The following SHOC1 variants were observed in gnomAD, a reference collection of about 807,000 sequenced individuals.
SHOC1 encodes the protein protein shortage in chiasmata 1 ortholog.
Under a neutral mutation model 179.2 loss-of-function variants are expected in SHOC1, and 136 were observed. The ratio of observed to expected loss-of-function variants is 0.76; its 90% CI spans 0.66 to 0.87. The LOEUF (loss-of-function observed/expected upper bound fraction) is 0.87. Among genes scored for constraint, SHOC1 ranks in the 40% least tolerant of loss-of-function variants. The pLI, the probability that SHOC1 is intolerant of heterozygous loss-of-function variation, is 0.00. For missense variants in SHOC1, 1,538 were observed against 1,700.8 expected, an observed-to-expected ratio of 0.90 and a Z score of 1.68; for synonymous variants, 489 against 586.6, an observed-to-expected ratio of 0.83 and a Z score of 2.41.
intron 24 of SHOC1, among the ~76,000 whole-genome samples, chr9:111,696,117 T>C (rs1361566222): frequency 1.3e-5 from 2 of 152,222 alleles, no homozygotes; most frequent in Admixed American, 6.5e-5. Context: ...AAATTTTGCA[T>C]GTGTGTATTT....
At chr9:111,699,917 A>G (rs1305036466) in intron 24 of SHOC1, 37 bp downstream of exon 24, 2 of 1,445,154 alleles carry the variant, frequency 1.4e-6, no homozygotes, top group African/African-American at 2.8e-5. Flanking sequence ...TTGGTTTATA[A>G]AAAATACTTA....
Position 111,756,434 on chromosome 9 carries a change from G to A in SHOC1, c.753C>T (p.Ser251=), listed in dbSNP as rs200424123. Residue 251 remains serine, a synonymous_variant, in exon 8 of 28, where the codon AGC becomes AGT. Transcript: ENST00000682961. ...LIEYEFLIPP[S]LKPEIDIPSL... is the part of the protein sequence containing the mutation. ...ATGGAATATCAATTTCTGGTTTGAGGCTTGGAGGTATTAAGAATTCATACT... is the reference window on the plus strand; with the variant it reads ...ATGGAATATCAATTTCTGGTTTGAGACTTGGAGGTATTAAGAATTCATACT... The A allele has an allele frequency of 1.5e-5, 24 of 1,610,952 alleles. No homozygotes were observed. The highest frequency in any genetic ancestry group is 6.7e-5 in the South Asian group (6 of 90,144).
intron 5 of SHOC1, among the ~76,000 whole-genome samples, chr9:111,759,727 G>C (rs1373471439): frequency 1.3e-5 from 2 of 152,154 alleles, no homozygotes; most frequent in Non-Finnish European, 2.9e-5. Context: ...TTGACTTTTC[G>C]GTTAAGTGAC....
chr9:111,792,109 A>G (rs959480602), intron 1 of SHOC1, among the ~76,000 whole-genome samples: 3 of 152,206 alleles, frequency 2.0e-5, no homozygotes, highest in African/African-American at 4.8e-5. Context: ...TAAAGCAACT[A>G]TGGCATATTG....
intron 13 of SHOC1, among the ~76,000 whole-genome samples, chr9:111,727,276 C>G (rs1833335220): frequency 6.6e-6 from 1 of 152,052 alleles, no homozygotes; most frequent in African/African-American, 2.4e-5. Flanking sequence ...AATACTGAGA[C>G]AGGACTGACA....
At position 111,722,408 on chromosome 9, in the gene SHOC1, C is replaced by T. The variant is rs1833098118; in HGVS notation, c.2131+1G>A. 1 of 1,587,450 alleles carries T rather than the reference C, an allele frequency of 6.3e-7. No homozygotes were observed. Among genetic ancestry groups the T allele is most frequent in the South Asian group, 1.2e-5 (1 of 85,434 alleles). ...ATAACGTGACTTTTATTTGTACTCA[C>T]CTTGGCGAACAGCATCACTTACTAC... On this transcript the variant is annotated splice_donor_variant, in intron 15 of 27. Transcript: ENST00000682961. LOFTEE classifies it high-confidence loss of function.
At chr9:111,727,138 T>C (rs2131433104) in intron 13 of SHOC1, among the ~76,000 whole-genome samples, 1 of 152,314 alleles carries the variant, frequency 6.6e-6, no homozygotes, top group African/African-American at 2.4e-5. Flanking sequence ...TATATTACCT[T>C]TGATGTGGCT....
chr9:111,712,795 GT>G (rs201937423), intron 18 of SHOC1, among the ~76,000 whole-genome samples: 1,596 of 152,236 alleles, frequency 0.01, 30 homozygotes, highest in African/African-American at 0.036. Flanking sequence ...GTAAAACTGA[GT>G]TAATAAAACC....
In SHOC1 at chr9:111,692,417, A is replaced by G; in HGVS notation, c.3560T>C (p.Ile1187Thr). Residue 1187 changes from isoleucine (I) to threonine (T), a missense_variant, in exon 27 of 28, where the codon ATT becomes ACT. Transcript: ENST00000682961. ...ISSPQENRNQ[I>T]STLSSQSSAS... The stretch of plus-strand genomic sequence containing the variant: ...TGAACTTTGAGAAGACAAGGTACTA[A>G]TCTGATTCCTATTTTCCTGAGGTGA... The G allele has an allele frequency of 6.2e-7, 1 of 1,613,370 alleles. No homozygotes were observed. The highest frequency in any genetic ancestry group is 8.5e-7 in the Non-Finnish European group (1 of 1,179,724).
At chr9:111,764,513 T>G (rs984923218) in intron 5 of SHOC1, among the ~76,000 whole-genome samples, 1 of 152,196 alleles carries the variant, frequency 6.6e-6, no homozygotes, top group African/African-American at 2.4e-5. Context: ...CAAATAGTAT[T>G]TATGCATTCA....
intron 4 of SHOC1, among the ~76,000 whole-genome samples, chr9:111,777,023 T>C (rs1835861469): frequency 6.6e-6 from 1 of 152,018 alleles, no homozygotes; most frequent in Non-Finnish European, 1.5e-5. Flanking sequence ...GCTTGGGAAG[T>C]GGGGAGTGCT....
intron 24 of SHOC1, among the ~76,000 whole-genome samples, chr9:111,695,149 T>C (rs547580305): frequency 1.3e-5 from 2 of 152,218 alleles, no homozygotes; most frequent in East Asian, 3.9e-4. Context: ...TTAAATTTGA[T>C]TGAAGGAAAG....
At chr9:111,700,876 T>C (rs758294992) in intron 23 of SHOC1, among the ~76,000 whole-genome samples, 2 of 152,130 alleles carry the variant, frequency 1.3e-5, no homozygotes, top group Non-Finnish European at 2.9e-5. Context: ...CCCTGGGCAA[T>C]GTGTGTCTAA....
At chr9:111,690,213 G>T (rs1341941046) in intron 27 of SHOC1, among the ~76,000 whole-genome samples, 1 of 152,068 alleles carries the variant, frequency 6.6e-6, no homozygotes, top group South Asian at 2.1e-4. Flanking sequence ...TACTTGAGCC[G>T]AGGAGTTCGA....
At chr9:111,786,468 C>T (rs1388995252) in intron 2 of SHOC1, among the ~76,000 whole-genome samples, 1 of 150,018 alleles carries the variant, frequency 6.7e-6, no homozygotes, top group Non-Finnish European at 1.5e-5. Flanking sequence ...AGGCATCCCT[C>T]ACTTTATTGT....
intron 15 of SHOC1, among the ~76,000 whole-genome samples, chr9:111,720,560 C>T (rs939659829): frequency 2.6e-5 from 4 of 152,078 alleles, no homozygotes; most frequent in Non-Finnish European, 5.9e-5. Flanking sequence ...CTCTTTTCTC[C>T]TCTCTTTTGA....
Position 111,692,042 on chromosome 9 carries a change from T to A in SHOC1, c.3935A>T (p.Asp1312Val). ...GACAACTGACACTCTCTTCTGAGTGTCAGTTGGTGATTTTATAGTTTCACA... is the reference window on the plus strand; with the variant it reads ...GACAACTGACACTCTCTTCTGAGTGACAGTTGGTGATTTTATAGTTTCACA... ...MNCETIKSPT[D>V]TQKRVSVVPR... is the part of the protein sequence containing the mutation. Residue 1312 changes from aspartate to valine, a missense_variant, in exon 27 of 28, where the codon GAC (aspartate) becomes GTC (valine). Coordinates refer to ENST00000682961, the MANE Select transcript of SHOC1 (RefSeq NM_001378211.1). 1.2e-6 allele frequency: 2 copies of A among 1,613,742 alleles called. No homozygotes were observed. The highest frequency in any genetic ancestry group is 2.2e-5 in the South Asian group (2 of 91,040).
intron 4 of SHOC1, among the ~76,000 whole-genome samples, chr9:111,780,308 T>G (rs940551358): frequency 6.6e-6 from 1 of 152,220 alleles, no homozygotes; most frequent in Non-Finnish European, 1.5e-5. Context: ...GTTCTGTGCA[T>G]GAAGTGAAGC....
intron 5 of SHOC1, among the ~76,000 whole-genome samples, chr9:111,762,457 C>T (rs367945339): frequency 5.9e-5 from 9 of 151,718 alleles, no homozygotes; most frequent in African/African-American, 1.9e-4. Context: ...GAAAAAGACA[C>T]GCTTTTGTGG....
Sources: gnomAD v4.1 joint callset for allele counts (sites outside exome capture counted in the v4.1 genomes callset) on GRCh38, gnomAD v4.1.1 for gene constraint, MANE v1.5 for transcripts, NCBI Gene and HGNC (gene_info 2026-07-23, HGNC 2026-07-21) for gene names.